Variants in NBDY observed in about 807,000 individuals in gnomAD.
NBDY encodes negative regulator of P-body association.
In NBDY at chrX:56,742,071, C is replaced by T. The variant is rs770624974; in HGVS notation, c.*166+9872C>T. Among the ~76,000 whole-genome samples the T allele has an allele frequency of 2.7e-5, 3 of 111,549 alleles. No homozygotes were observed. The East Asian group carries it at 8.3e-4, about 31-fold the overall frequency. On this transcript the variant is annotated intron_variant, in intron 2 of 2. Coordinates refer to ENST00000374922, the MANE Select transcript of NBDY (RefSeq NM_001348129.2). ...ATATGGATATCCAGTTTTCCCAGCA[C>T]CAATTATTGAAGAGACTGTCTTTTC...
intron 2 of NBDY, chrX:56,737,455 A>C (rs1243778424): frequency 2.9e-6 from 2 of 693,808 alleles, no homozygotes; most frequent in African/African-American, 2.2e-5. Flanking sequence ...TTATGTCTTC[A>C]TCCTCATATA....
chrX:56,738,599 G>C (rs1183020004), intron 2 of NBDY, among the ~76,000 whole-genome samples: 1 of 111,662 alleles, frequency 9.0e-6, no homozygotes, highest in Non-Finnish European at 1.9e-5. Context: ...TAATTTGCTA[G>C]AACAACACAC....
At chrX:56,791,478 T>A (rs1018865490) in intron 2 of NBDY, among the ~76,000 whole-genome samples, 1 of 111,732 alleles carries the variant, frequency 8.9e-6, no homozygotes, top group Non-Finnish European at 1.9e-5. Context: ...GGTAGCTCTT[T>A]GCAGTTGGCT....
chrX:56,805,748 C>T (rs1439223635), intron 2 of NBDY, among the ~76,000 whole-genome samples: 2 of 112,114 alleles, frequency 1.8e-5, no homozygotes, highest in Non-Finnish European at 3.8e-5. Context: ...ACTTGGTACA[C>T]TCTGCATTCC....
At chrX:56,746,738 A>G (rs2069559979) in intron 2 of NBDY, among the ~76,000 whole-genome samples, 1 of 110,885 alleles carries the variant, frequency 9.0e-6, no homozygotes, top group Non-Finnish European at 1.9e-5. Flanking sequence ...ATGAGCTAAG[A>G]GCTGTTCCTA....
intron 2 of NBDY, among the ~76,000 whole-genome samples, chrX:56,790,546 C>T (rs2065333551): frequency 8.9e-6 from 1 of 112,330 alleles, no homozygotes; most frequent in Non-Finnish European, 1.9e-5. Flanking sequence ...GCATGCACCA[C>T]GGGGCACCTC....
Position 56,749,958 on chromosome X carries a change from T to A in NBDY, c.*166+17759T>A, listed in dbSNP as rs777151083. On this transcript the variant is annotated intron_variant, in intron 2 of 2. Transcript: ENST00000374922. The stretch of plus-strand genomic sequence containing the variant: ...GAACCTCCATGCCTGGCTGCACATT[T>A]ACGTCTTAAAATACATTATATTTTA... Among the ~76,000 whole-genome samples the A allele has an allele frequency of 1.3e-4, 15 of 111,938 alleles. No homozygotes were observed. The South Asian group carries it at 5.3e-3, about 39-fold the overall frequency.
chrX:56,783,450 G>T (rs1461514446), intron 2 of NBDY, among the ~76,000 whole-genome samples: 1 of 112,701 alleles, frequency 8.9e-6, no homozygotes, highest in Non-Finnish European at 1.9e-5. Context: ...GTGGCCAGTG[G>T]CTTCCCTTAT....
In NBDY at chrX:56,732,202, A is replaced by AATC. The variant is rs953857589; in HGVS notation, c.*166+4_*166+6dup. ...ACCTGGAAGTTGTGCTTTTTAAGGT[A>AATC]ATCTCTTTACCAAAAATTATTAAGA... On this transcript the variant is annotated splice_donor_region_variant and intron_variant, in intron 2 of 2. Coordinates refer to ENST00000374922, the MANE Select transcript of NBDY (RefSeq NM_001348129.2). The AATC allele has an allele frequency of 1.4e-5, 4 of 294,153 alleles. No homozygotes were observed. 24.2% of individuals were successfully genotyped at this position (294,153 alleles called of 1,213,427 possible). A position where few individuals can be genotyped will look rare whatever the true frequency, so the allele number is the denominator to read the frequency against.
At chrX:56,807,948 G>C (rs2069862270) in intron 2 of NBDY, among the ~76,000 whole-genome samples, 1 of 111,800 alleles carries the variant, frequency 8.9e-6, no homozygotes, top group African/African-American at 3.3e-5. Flanking sequence ...TATTGGCTGT[G>C]GGTTTGTCAT....
At chrX:56,816,276 T>C (rs1343589982) in intron 2 of NBDY, among the ~76,000 whole-genome samples, 1 of 111,405 alleles carries the variant, frequency 9.0e-6, no homozygotes, top group Admixed American at 9.6e-5. Flanking sequence ...GTCATCATAT[T>C]TGCCACAATC....
intron 2 of NBDY, among the ~76,000 whole-genome samples, chrX:56,756,908 T>A (rs1321733386): frequency 9.1e-6 from 1 of 110,416 alleles, no homozygotes; most frequent in Non-Finnish European, 1.9e-5. Context: ...TGAGCCGAGA[T>A]TGCGCCACTC....
At chrX:56,801,055 G>T (rs2069819918) in intron 2 of NBDY, among the ~76,000 whole-genome samples, 7 of 112,033 alleles carry the variant, frequency 6.2e-5, no homozygotes, top group Middle Eastern at 4.6e-3. Context: ...GCATGGCTCA[G>T]CCTGCACCTC....
chrX:56,800,796 G>A (rs1569291874), intron 2 of NBDY, among the ~76,000 whole-genome samples: 1 of 111,255 alleles, frequency 9.0e-6, no homozygotes, highest in Admixed American at 9.5e-5. Context: ...TCCTTAGGGA[G>A]AGTAAGCCTA....
chrX:56,766,433 C>A (rs995616), intron 2 of NBDY, among the ~76,000 whole-genome samples: 59,605 of 110,360 alleles, frequency 0.54, 14,220 homozygotes, highest in Non-Finnish European at 0.74. Context: ...CACAGAGATA[C>A]ATGCACACCC....
At chrX:56,809,251 T>A (rs1324086474) in intron 2 of NBDY, among the ~76,000 whole-genome samples, 1 of 111,923 alleles carries the variant, frequency 8.9e-6, no homozygotes, top group Non-Finnish European at 1.9e-5. Flanking sequence ...GGTGGAGAGT[T>A]CTGTAGATGT....
intron 2 of NBDY, among the ~76,000 whole-genome samples, chrX:56,756,684 G>A (rs2069612981): frequency 8.9e-6 from 1 of 111,965 alleles, no homozygotes; most frequent in Non-Finnish European, 1.9e-5. Flanking sequence ...AACTAAAATG[G>A]CCAGGCACAG....
intron 1 of NBDY, among the ~76,000 whole-genome samples, chrX:56,731,043 CAATA>C (rs927931761): frequency 9.2e-6 from 1 of 109,063 alleles, no homozygotes; most frequent in African/African-American, 3.4e-5. Context: ...ACAGATATTT[CAATA>C]AATAAATCAA....
intron 2 of NBDY, among the ~76,000 whole-genome samples, chrX:56,802,108 G>A (rs1335536040): frequency 1.8e-5 from 2 of 111,146 alleles, no homozygotes; most frequent in South Asian, 3.8e-4. Context: ...GACTGCCCAC[G>A]AACTCTCCCA....
Sources: gnomAD v4.1 joint callset for allele counts (sites outside exome capture counted in the v4.1 genomes callset) on GRCh38, gnomAD v4.1.1 for gene constraint, MANE v1.5 for transcripts, NCBI Gene and HGNC (gene_info 2026-07-23, HGNC 2026-07-21) for gene names.